MATCAP2: variants seen among roughly 807,000 people sequenced by gnomAD.
The protein encoded by MATCAP2 is microtubule associated tyrosine carboxypeptidase 2, also known as putative tyrosine carboxypeptidase MATCAP2.
At chr7:36,352,127 G>A in the MATCAP2 span, among the ~76,000 whole-genome samples, 1 of 151,908 alleles carries the variant, frequency 6.6e-6, no homozygotes, top group African/African-American at 2.4e-5. Context: ...TGGGCGCACT[G>A]GCTCATGCCT....
the MATCAP2 span, chr7:36,333,857 T>C: frequency 1.3e-6 from 2 of 1,595,156 alleles, no homozygotes; most frequent in South Asian, 2.2e-5. Context: ...GACACCCACC[T>C]GGTTGGGAAG....
chr7:36,353,929 C>T, the MATCAP2 span, among the ~76,000 whole-genome samples: 5 of 152,192 alleles, frequency 3.3e-5, no homozygotes, highest in Non-Finnish European at 5.9e-5. Context: ...ATTTACTGCT[C>T]AAGAGCACCA....
the MATCAP2 span, chr7:36,368,201 G>A: frequency 6.6e-6 from 1 of 152,234 alleles, no homozygotes; most frequent in Non-Finnish European, 1.5e-5. Flanking sequence ...GGAGCTTACA[G>A]TTTAGGAGGA....
At chr7:36,367,902 A>G in the MATCAP2 span, among the ~76,000 whole-genome samples, 1 of 152,106 alleles carries the variant, frequency 6.6e-6, no homozygotes. Flanking sequence ...CATCTCTACT[A>G]AAAACACAAA....
At chr7:36,326,752 G>A in the MATCAP2 span, 107 of 1,607,456 alleles carry the variant, frequency 6.7e-5, no homozygotes, top group South Asian at 8.5e-4. Context: ...TTGCCAGAAC[G>A]CTAATTACTA....
the MATCAP2 span, chr7:36,334,267 T>A: frequency 2.1e-6 from 2 of 953,522 alleles, no homozygotes; most frequent in Non-Finnish European, 3.1e-6. Context: ...CCAGGCGCGG[T>A]GGCTCATGCC....
the MATCAP2 span, among the ~76,000 whole-genome samples, chr7:36,335,989 T>C: frequency 6.6e-6 from 1 of 152,250 alleles, no homozygotes; most frequent in Admixed American, 6.5e-5. Flanking sequence ...GGAGAATCAC[T>C]TGAACCCAGG....
At chr7:36,389,690 C>A in the MATCAP2 span, 245 of 260,818 alleles carry the variant, frequency 9.4e-4, no homozygotes, top group African/African-American at 5.1e-3. Context: ...CTCCACCCCG[C>A]GGCGAGGGCT....
chr7:36,357,254 G>A, the MATCAP2 span: 2 of 1,614,162 alleles, frequency 1.2e-6, no homozygotes, highest in Admixed American at 3.3e-5. Flanking sequence ...GACAAAAACA[G>A]CAGGCCGCCT....
chr7:36,353,282 A>C, the MATCAP2 span, among the ~76,000 whole-genome samples: 4 of 152,134 alleles, frequency 2.6e-5, no homozygotes, highest in Non-Finnish European at 4.4e-5. Flanking sequence ...CTGTCTCAAA[A>C]AAAGATGCTA....
the MATCAP2 span, among the ~76,000 whole-genome samples, chr7:36,379,683 T>C: frequency 1.3e-5 from 2 of 152,050 alleles, no homozygotes; most frequent in Non-Finnish European, 2.9e-5. Context: ...CTAGGTGATT[T>C]TGTCATTGTG....
At chr7:36,372,348 T>G in the MATCAP2 span, among the ~76,000 whole-genome samples, 30 of 152,238 alleles carry the variant, frequency 2.0e-4, no homozygotes, top group African/African-American at 7.2e-4. Context: ...ATCTAGGAAA[T>G]AGTTGGTAGA....
At chr7:36,365,462 G>A in the MATCAP2 span, among the ~76,000 whole-genome samples, 1 of 152,234 alleles carries the variant, frequency 6.6e-6, no homozygotes, top group Non-Finnish European at 1.5e-5. Context: ...CACTTTGGGA[G>A]GCGGAGGTGT....
the MATCAP2 span, among the ~76,000 whole-genome samples, chr7:36,354,689 T>C: frequency 6.6e-6 from 1 of 152,254 alleles, no homozygotes; most frequent in African/African-American, 2.4e-5. Context: ...AGAGGTCTTG[T>C]ACCATGTATT....
the MATCAP2 span, chr7:36,367,399 C>T: frequency 2.1e-6 from 2 of 956,568 alleles, no homozygotes; most frequent in Non-Finnish European, 2.5e-6. Flanking sequence ...TGGCTGTGCC[C>T]GCGAGCGCGC....
At chr7:36,390,117 T>A in the MATCAP2 span, 1 of 1,606,426 alleles carries the variant, frequency 6.2e-7, no homozygotes, top group Non-Finnish European at 8.5e-7. Flanking sequence ...TCTGTCAACC[T>A]CTGGGCGAAC....
chr7:36,378,983 A>C, the MATCAP2 span, among the ~76,000 whole-genome samples: 1 of 152,180 alleles, frequency 6.6e-6, no homozygotes, highest in Non-Finnish European at 1.5e-5. Flanking sequence ...GCAGTGTCCC[A>C]ATTTTCCTGG....
chr7:36,379,847 C>CACACAG, the MATCAP2 span, among the ~76,000 whole-genome samples: 89 of 107,690 alleles, frequency 8.3e-4, no homozygotes, highest in African/African-American at 3.2e-3. Context: ...CACACACACA[C>CACACAG]AGAGAGAGAG....
At chr7:36,371,392 T>C in the MATCAP2 span, among the ~76,000 whole-genome samples, 8 of 152,184 alleles carry the variant, frequency 5.3e-5, no homozygotes, top group African/African-American at 1.2e-4. Flanking sequence ...GGATTACAGA[T>C]GTGAGCCAGT....
Sources: gnomAD v4.1 joint callset for allele counts (sites outside exome capture counted in the v4.1 genomes callset) on GRCh38, gnomAD v4.1.1 for gene constraint, MANE v1.5 for transcripts, NCBI Gene and HGNC (gene_info 2026-07-23, HGNC 2026-07-21) for gene names.